Variants in CELF2 observed in about 807,000 individuals in gnomAD.
The protein encoded by CELF2 is CUG triplet repeat RNA-binding protein 2.
Under a neutral mutation model 62.6 loss-of-function variants are expected in CELF2, and 8 were observed. The ratio of observed to expected loss-of-function variants is 0.13; its 90% CI spans 0.07 to 0.23. The LOEUF is 0.23. Ranked by LOEUF, CELF2 falls within the 10% of genes least tolerant of loss-of-function variation. The probability of loss-of-function intolerance (pLI) is 1.00; values close to 1 mark genes in which losing one functional copy is unlikely to be tolerated. For missense variants in CELF2, 333 were observed against 671.0 expected (o/e 0.50, Z 5.56); for synonymous variants, 258 against 250.0 (o/e 1.03, Z -0.30).
upstream of CELF2, among the ~76,000 whole-genome samples, chr10:10,795,148 AC>A (rs1358385005): frequency 1.3e-5 from 2 of 152,030 alleles, no homozygotes; most frequent in Non-Finnish European, 2.9e-5. Context: ...GAGGGAGATC[AC>A]AGAAATGTTA....
intron 1 of CELF2, among the ~76,000 whole-genome samples, chr10:11,158,616 A>G (rs1184104130): frequency 3.9e-5 from 6 of 152,006 alleles, no homozygotes; most frequent in East Asian, 1.9e-4. Flanking sequence ...GATGTCTCCA[A>G]ATTTACTTCT....
intron 12 of CELF2, among the ~76,000 whole-genome samples, chr10:11,326,741 A>G (rs1329891115): frequency 6.6e-6 from 1 of 152,162 alleles, no homozygotes; most frequent in Non-Finnish European, 1.5e-5. Flanking sequence ...GGATGTTCAG[A>G]GTATATATTA....
At chr10:11,045,785 T>A (rs777527116) in intron 1 of CELF2, among the ~76,000 whole-genome samples, 1 of 152,172 alleles carries the variant, frequency 6.6e-6, no homozygotes, top group African/African-American at 2.4e-5. Context: ...GAACGCAATA[T>A]AACAAATATA....
At chr10:10,912,799 A>G (rs2063931179) in intron 1 of CELF2, among the ~76,000 whole-genome samples, 1 of 152,212 alleles carries the variant, frequency 6.6e-6, no homozygotes, top group Non-Finnish European at 1.5e-5. Context: ...GATGAAAAGC[A>G]TGGGCTCCGG....
chr10:10,787,875 C>A, the CELF2 span, among the ~76,000 whole-genome samples: 2 of 152,046 alleles, frequency 1.3e-5, no homozygotes, highest in Admixed American at 6.6e-5. Flanking sequence ...CTAGCTTAAA[C>A]CTTAAAGCCT....
At chr10:11,052,212 AG>A (rs2064089397) in intron 1 of CELF2, among the ~76,000 whole-genome samples, 1 of 152,196 alleles carries the variant, frequency 6.6e-6, no homozygotes, top group Admixed American at 6.5e-5. Flanking sequence ...TGGGGATTAC[AG>A]CCATGAGCCA....
chr10:10,981,791 C>T (rs2052140717), intron 2 of CELF2, among the ~76,000 whole-genome samples: 1 of 152,132 alleles, frequency 6.6e-6, no homozygotes, highest in Non-Finnish European at 1.5e-5. Context: ...CTTAATTCCT[C>T]TACTCAATTA....
chr10:11,090,681 A>G lies in CELF2; in HGVS notation c.74+72518A>G, dbSNP rs566969637. Among the ~76,000 whole-genome samples, 3 of 152,378 alleles carry G rather than the reference A, an allele frequency of 2.0e-5. No homozygotes were observed. The South Asian group carries it at 6.2e-4, about 32-fold the overall frequency. ...TTATGATATATCTACATAATAGAAT[A>G]CTTCATAGCCATTTAAGATTGTAGT... On this transcript the variant is annotated intron_variant, in intron 1 of 12. Transcript: ENST00000633077.
In CELF2 at chr10:11,098,698, C is replaced by T. The variant is rs2050607949; in HGVS notation, c.75-66788C>T. On this transcript the variant is annotated intron_variant, in intron 1 of 12. Transcript: ENST00000633077. This position sits in a 1 kb window ranked among gnomAD's most constrained non-coding sequence, Gnocchi z 4.0. ...GTTTTCTCTGTAGAAATAACAAAGG[C>T]CCTGGATACAGTAGAATGTCTGGCC... Among the ~76,000 whole-genome samples the T allele has an allele frequency of 2.0e-5, 3 of 152,148 alleles. No homozygotes were observed. Among genetic ancestry groups the T allele is most frequent in the Admixed American group, 1.3e-4 (2 of 15,274 alleles).
At position 11,051,462 on chromosome 10, in the gene CELF2, A is replaced by G. The variant is rs528339912; in HGVS notation, c.74+33299A>G. 4.6e-5 allele frequency among the ~76,000 whole-genome samples: 7 copies of G among 152,344 alleles called. No individual in the cohort carries two copies. The East Asian group carries it at 5.8e-4, about 13-fold the overall frequency. On this transcript the variant is annotated intron_variant, in intron 1 of 12. Transcript: ENST00000633077. ...TGCCTCTCTTGCTCGTCTGGCTTAC[A>G]TAAACTGTACCAACAACCTAAACAG...
intron 2 of CELF2, among the ~76,000 whole-genome samples, chr10:11,193,415 G>A (rs1450722977): frequency 6.6e-6 from 1 of 152,234 alleles, no homozygotes; most frequent in African/African-American, 2.4e-5. Context: ...ACCGTGACAA[G>A]TGCAGAAATT....
At chr10:10,962,315 C>T (rs1189169802) in intron 2 of CELF2, among the ~76,000 whole-genome samples, 6 of 152,248 alleles carry the variant, frequency 3.9e-5, no homozygotes, top group African/African-American at 1.4e-4. Flanking sequence ...TGCCCTGTCT[C>T]CTCTGCTTTC....
At chr10:10,599,727 T>TTC in the CELF2 span, among the ~76,000 whole-genome samples, 3,146 of 145,554 alleles carry the variant, frequency 0.022, 71 homozygotes, top group African/African-American at 0.074. Context: ...CTTTCTTTCT[T>TTC]TTTTTTTTTT....
chr10:10,651,238 T>A, the CELF2 span, among the ~76,000 whole-genome samples: 2 of 131,714 alleles, frequency 1.5e-5, no homozygotes, highest in African/African-American at 5.5e-5. Flanking sequence ...AGAATCTCGC[T>A]GATTGCTAGC....
chr10:11,320,127 G>A (rs924175687), intron 10 of CELF2, among the ~76,000 whole-genome samples: 3 of 152,172 alleles, frequency 2.0e-5, no homozygotes, highest in South Asian at 2.1e-4. Flanking sequence ...GGGACCCAGA[G>A]GCAATTGTGA....
At chr10:10,853,677 G>A (rs910291957) in intron 1 of CELF2, among the ~76,000 whole-genome samples, 1 of 151,784 alleles carries the variant, frequency 6.6e-6, no homozygotes, top group African/African-American at 2.4e-5. Flanking sequence ...ACTAGGTCAC[G>A]TGCCTTCCTC....
intron 2 of CELF2, among the ~76,000 whole-genome samples, chr10:10,999,723 G>T (rs1001486109): frequency 6.6e-6 from 1 of 151,992 alleles, no homozygotes; most frequent in Non-Finnish European, 1.5e-5. Flanking sequence ...TTGCCATATT[G>T]GTCTCACCTT....
At chr10:10,821,752 T>C (rs926780749) in intron 1 of CELF2, among the ~76,000 whole-genome samples, 1 of 152,204 alleles carries the variant, frequency 6.6e-6, no homozygotes, top group Non-Finnish European at 1.5e-5. Context: ...GCAATCCTCT[T>C]GCCTCAGCCT....
At position 11,328,020 on chromosome 10, in the gene CELF2, T is replaced by G. The variant is rs1443252903; in HGVS notation, c.1439-906T>G. 6.6e-6 allele frequency among the ~76,000 whole-genome samples: 1 copy of G among 152,244 alleles called. No individual in the cohort carries two copies. The highest frequency in any genetic ancestry group is 1.5e-5 in the Non-Finnish European group (1 of 68,042). The stretch of plus-strand genomic sequence containing the variant: ...CCTCTGCTGCTGCCTCCCCCAGTGC[T>G]GGAACAGACTCTGGGACCAAGATCC... On this transcript the variant is annotated intron_variant, in intron 12 of 12. Transcript: ENST00000633077. This position sits in a 1 kb window ranked among gnomAD's most constrained non-coding sequence, Gnocchi z 6.4.
Sources: allele counts gnomAD v4.1 joint callset (sites outside exome capture counted in the v4.1 genomes callset), GRCh38; gene constraint gnomAD v4.1.1; non-coding constraint Gnocchi (gnomAD v3.1); transcripts MANE v1.5; gene names NCBI Gene and HGNC (gene_info 2026-07-23, HGNC 2026-07-21).